Variants in PRKG1 observed in about 807,000 individuals in gnomAD.
PRKG1 encodes the protein cGMP-dependent protein kinase 1.
A neutral mutation model predicts 88.1 loss-of-function variants in PRKG1; 35 were observed. The observed-to-expected ratio is 0.40, with a 90% confidence interval of 0.30 to 0.53. The LOEUF is 0.53. PRKG1 is among the 20% of genes least tolerant of loss of function. The probability of loss-of-function intolerance (pLI) is 0.59; values close to 1 mark genes in which losing one functional copy is unlikely to be tolerated. For missense variants in PRKG1, 540 were observed against 839.8 expected, an observed-to-expected ratio of 0.64 and a Z score of 4.41; for synonymous variants, 303 against 292.5, an observed-to-expected ratio of 1.04 and a Z score of -0.37.
chr10:51,999,705 C>T (rs1235413700), intron 5 of PRKG1, among the ~76,000 whole-genome samples: 2 of 151,796 alleles, frequency 1.3e-5, no homozygotes, highest in Non-Finnish European at 2.9e-5. Flanking sequence ...ACTTTGCTTC[C>T]ACTTTTTTGA....
chr10:51,934,605 T>A (rs1842764691), intron 5 of PRKG1, among the ~76,000 whole-genome samples: 1 of 152,132 alleles, frequency 6.6e-6, no homozygotes, highest in South Asian at 2.1e-4. Flanking sequence ...AAGGCTGACA[T>A]GGTTTCCGTT....
intron 3 of PRKG1, among the ~76,000 whole-genome samples, chr10:51,627,211 G>T (rs1469192346): frequency 2.0e-5 from 3 of 152,110 alleles, no homozygotes; most frequent in Non-Finnish European, 2.9e-5. Flanking sequence ...CTTATGCCAA[G>T]TTGTAGATAC....
At chr10:51,804,830 C>T in intron 4 of PRKG1, 140 bp downstream of exon 4, 1 of 597,890 alleles carries the variant, frequency 1.7e-6, no homozygotes, top group Non-Finnish European at 2.9e-6. Flanking sequence ...AGATGTAAGA[C>T]TTCGAACATG....
At chr10:51,084,404 A>G (rs1844196075) in intron 1 of PRKG1, among the ~76,000 whole-genome samples, 2 of 152,238 alleles carry the variant, frequency 1.3e-5, no homozygotes, top group Non-Finnish European at 2.9e-5. Flanking sequence ...ATGGGAGTTC[A>G]TATAAAAAGA....
chr10:51,726,651 A>C (rs561968497), intron 3 of PRKG1, among the ~76,000 whole-genome samples: 1 of 152,372 alleles, frequency 6.6e-6, no homozygotes, highest in South Asian at 2.1e-4. Context: ...TTCCTTATGA[A>C]TATAGTCTGT....
chr10:51,434,958 A>T (rs1467338699), intron 2 of PRKG1, among the ~76,000 whole-genome samples: 1 of 152,260 alleles, frequency 6.6e-6, no homozygotes, highest in Admixed American at 6.5e-5. Flanking sequence ...CTGTTGTAAG[A>T]TATTTCAGCA....
At chr10:52,139,704 A>G (rs1871075) in intron 8 of PRKG1, among the ~76,000 whole-genome samples, 34,670 of 151,894 alleles carry the variant, frequency 0.23, 4,057 homozygotes, top group East Asian at 0.32. Context: ...GCAACTTGGG[A>G]TTGGGGGGTA....
intron 4 of PRKG1, among the ~76,000 whole-genome samples, chr10:51,847,603 A>ATT (rs369379721): frequency 1.1e-4 from 16 of 148,916 alleles, no homozygotes; most frequent in Non-Finnish European, 2.1e-4. Flanking sequence ...TTTAACAATG[A>ATT]TTTTTTTTTT....
chr10:51,616,267 C>A (rs949439546), intron 3 of PRKG1, among the ~76,000 whole-genome samples: 1 of 152,172 alleles, frequency 6.6e-6, no homozygotes, highest in Non-Finnish European at 1.5e-5. Flanking sequence ...GCTAGCAGAT[C>A]CACATGGTTC....
In PRKG1 at chr10:51,636,711, C is replaced by T. The variant is rs145281092; in HGVS notation, c.593-167874C>T. Among the ~76,000 whole-genome samples, 492 of 152,248 alleles carry T rather than the reference C, an allele frequency of 3.2e-3. 4 individuals carry two copies. The highest frequency in any genetic ancestry group is 5.2e-3 in the Non-Finnish European group (356 of 68,010). On this transcript the variant is annotated intron_variant, in intron 3 of 17. Coordinates refer to ENST00000373980, the MANE Select transcript of PRKG1 (RefSeq NM_006258.4). The stretch of plus-strand genomic sequence containing the variant: ...CATTTGACCATCTGTCCAGCCAGAA[C>T]GTAAAGATCTATTTGGCTCATTCCT...
chr10:52,077,325 TA>T (rs1473567329), intron 7 of PRKG1, among the ~76,000 whole-genome samples: 3 of 151,968 alleles, frequency 2.0e-5, no homozygotes, highest in Admixed American at 2.0e-4. Flanking sequence ...TAAGCCAGAT[TA>T]AAAAAAGTAC....
At chr10:51,296,622 AT>A (rs1227737386) in intron 2 of PRKG1, among the ~76,000 whole-genome samples, 1 of 152,014 alleles carries the variant, frequency 6.6e-6, no homozygotes, top group Non-Finnish European at 1.5e-5. Flanking sequence ...CTTTCAAAAA[AT>A]CAACTCTTGT....
chr10:51,931,867 T>C (rs2133006288), intron 5 of PRKG1, among the ~76,000 whole-genome samples: 2 of 152,334 alleles, frequency 1.3e-5, no homozygotes, highest in Admixed American at 1.3e-4. Flanking sequence ...TGTGGGATCA[T>C]CTTAGGCACA....
At chr10:51,548,340 C>T (rs1842492421) in intron 3 of PRKG1, among the ~76,000 whole-genome samples, 1 of 152,076 alleles carries the variant, frequency 6.6e-6, no homozygotes, top group African/African-American at 2.4e-5. Context: ...TCATTTATTT[C>T]TAAGTCCTTA....
intron 17 of PRKG1, 131 bp from the exon 18 acceptor site, chr10:52,293,671 A>G: frequency 1.4e-6 from 1 of 690,912 alleles, no homozygotes; most frequent in Admixed American, 2.5e-5. Context: ...GTGACCCTCA[A>G]TACCTGCTAC....
At chr10:52,247,670 T>C (rs1224863025) in intron 9 of PRKG1, among the ~76,000 whole-genome samples, 1 of 152,188 alleles carries the variant, frequency 6.6e-6, no homozygotes, top group African/African-American at 2.4e-5. Flanking sequence ...ATCCACAGTT[T>C]AGCCCCTTTA....
At chr10:51,392,343 ATGC>A (rs1473479505) in intron 2 of PRKG1, among the ~76,000 whole-genome samples, 1 of 151,930 alleles carries the variant, frequency 6.6e-6, no homozygotes, top group Non-Finnish European at 1.5e-5. Context: ...CTTAAGGAGC[ATGC>A]TGCCTTCAAG....
intron 2 of PRKG1, among the ~76,000 whole-genome samples, chr10:51,310,576 G>T (rs1211646528): frequency 6.6e-6 from 1 of 152,080 alleles, no homozygotes; most frequent in Non-Finnish European, 1.5e-5. Context: ...TCTTATACTT[G>T]GCTGACTTTT....
rs186299951 is a variant in PRKG1 at position 51,776,615 on chromosome 10, A to G, written c.593-27970A>G. On this transcript the variant is annotated intron_variant, in intron 3 of 17. Coordinates refer to ENST00000373980, the MANE Select transcript of PRKG1 (RefSeq NM_006258.4). ...CAAGGTGGGCAGATCACTTGAGGTT[A>G]GGTGTTCAAGACCGGCCTGGCCAAC... 1.2e-4 allele frequency among the ~76,000 whole-genome samples: 18 copies of G among 152,258 alleles called. No individual in the cohort carries two copies. In the East Asian group the frequency reaches 2.9e-3, roughly 25 times the overall value.
Sources: allele counts gnomAD v4.1 joint callset (sites outside exome capture counted in the v4.1 genomes callset), GRCh38; gene constraint gnomAD v4.1.1; transcripts MANE v1.5; gene names NCBI Gene and HGNC (gene_info 2026-07-23, HGNC 2026-07-21).